The following CTNND2 variants were observed in gnomAD, a reference collection of about 807,000 sequenced individuals.
CTNND2 encodes the protein catenin delta-2.
In CTNND2, 22 loss-of-function variants were observed where a neutral mutation model predicts 144.4. The observed-to-expected ratio is 0.15, with a 90% confidence interval of 0.11 to 0.22. The LOEUF (loss-of-function observed/expected upper bound fraction) is 0.22, where lower values mean the gene tolerates loss of function less well. CTNND2 is among the 10% of genes least tolerant of loss of function. The pLI, the probability that CTNND2 is intolerant of heterozygous loss-of-function variation, is 1.00. For missense variants in CTNND2, 1,353 were observed against 1,618.8 expected (o/e 0.84, Z 2.82); for synonymous variants, 751 against 695.6 (o/e 1.08, Z -1.25).
intron 2 of CTNND2, among the ~76,000 whole-genome samples, chr5:11,631,919 G>C (rs1351211480): frequency 6.6e-6 from 1 of 152,096 alleles, no homozygotes; most frequent in Non-Finnish European, 1.5e-5. Flanking sequence ...CCAGAGAAGT[G>C]GTATAAATGT....
chr5:11,622,162 A>G (rs1780877680), intron 2 of CTNND2, among the ~76,000 whole-genome samples: 2 of 152,164 alleles, frequency 1.3e-5, no homozygotes, highest in Non-Finnish European at 2.9e-5. Flanking sequence ...TACCCAACAT[A>G]AATTTCTGGT....
At chr5:11,154,912 C>G (rs979182864) in intron 12 of CTNND2, among the ~76,000 whole-genome samples, 15 of 152,184 alleles carry the variant, frequency 9.9e-5, no homozygotes, top group Non-Finnish European at 1.5e-4. Context: ...CTGTGTGTCT[C>G]TCTGTGCATA....
At chr5:11,191,697 C>G (rs1736257565) in intron 11 of CTNND2, among the ~76,000 whole-genome samples, 1 of 152,226 alleles carries the variant, frequency 6.6e-6, no homozygotes, top group African/African-American at 2.4e-5. Context: ...TAGGCCACAG[C>G]TCTGACAGCT....
At chr5:10,998,492 G>C (rs141365190) in intron 18 of CTNND2, among the ~76,000 whole-genome samples, 4 of 152,214 alleles carry the variant, frequency 2.6e-5, no homozygotes, top group African/African-American at 7.2e-5. Flanking sequence ...GCTGTGAGAA[G>C]AGGTGATCTT....
At chr5:11,672,294 T>A (rs2727606) in intron 2 of CTNND2, among the ~76,000 whole-genome samples, 10,805 of 152,222 alleles carry the variant, frequency 0.071, 1,302 homozygotes, top group African/African-American at 0.24. Flanking sequence ...CTGTCCCTTA[T>A]CAGAGCTCAA....
intron 2 of CTNND2, among the ~76,000 whole-genome samples, chr5:11,651,767 T>A (rs1782655724): frequency 6.6e-6 from 1 of 152,260 alleles, no homozygotes; most frequent in Non-Finnish European, 1.5e-5. Context: ...CAGACTTGCA[T>A]GAGGCCTGTA....
chr5:11,336,825 T>C (rs554084219), intron 9 of CTNND2, among the ~76,000 whole-genome samples: 1 of 152,214 alleles, frequency 6.6e-6, no homozygotes, highest in South Asian at 2.1e-4. Context: ...ATCACACAAA[T>C]ACACTCATAA....
intron 3 of CTNND2, among the ~76,000 whole-genome samples, chr5:11,428,516 G>C (rs1762994868): frequency 6.6e-6 from 1 of 152,110 alleles, no homozygotes. Context: ...AACAGGCTAG[G>C]ATTCTTTGTT....
At chr5:11,551,303 C>A (rs979888047) in intron 3 of CTNND2, among the ~76,000 whole-genome samples, 1 of 152,070 alleles carries the variant, frequency 6.6e-6, no homozygotes, top group South Asian at 2.1e-4. Context: ...TCTTTCCCTG[C>A]CAATATTTTG....
chr5:11,703,584 G>A (rs975269850), intron 2 of CTNND2, among the ~76,000 whole-genome samples: 1 of 152,170 alleles, frequency 6.6e-6, no homozygotes, highest in Non-Finnish European at 1.5e-5. Context: ...CATTTATTCA[G>A]CAAATGCTAT....
chr5:11,327,584 TAAGGTC>T (rs1752654264), intron 9 of CTNND2, among the ~76,000 whole-genome samples: 1 of 152,186 alleles, frequency 6.6e-6, no homozygotes, highest in Non-Finnish European at 1.5e-5. Flanking sequence ...CTAAGACTGT[TAAGGTC>T]AAGTGATCCT....
At chr5:11,677,265 C>G (rs1784218994) in intron 2 of CTNND2, among the ~76,000 whole-genome samples, 1 of 152,232 alleles carries the variant, frequency 6.6e-6, no homozygotes, top group Non-Finnish European at 1.5e-5. Flanking sequence ...AATGCCTCAT[C>G]ATATCTTGCC....
intron 5 of CTNND2, among the ~76,000 whole-genome samples, chr5:11,409,785 T>C (rs778493504): frequency 6.6e-6 from 1 of 152,128 alleles, no homozygotes; most frequent in Non-Finnish European, 1.5e-5. Flanking sequence ...TCAACACTTA[T>C]TTCATTAAAT....
intron 14 of CTNND2, among the ~76,000 whole-genome samples, chr5:11,098,987 T>A (rs1193589347): frequency 6.6e-6 from 1 of 152,008 alleles, no homozygotes; most frequent in East Asian, 1.9e-4. Flanking sequence ...CGCAAGAGAA[T>A]GTAACTGGCA....
chr5:11,627,053 G>C (rs183343905), intron 2 of CTNND2, among the ~76,000 whole-genome samples: 1 of 152,250 alleles, frequency 6.6e-6, no homozygotes, highest in African/African-American at 2.4e-5. Context: ...GAAAGTGTTT[G>C]AAAAATTGCT....
At chr5:11,769,702 T>C (rs1365375805) in intron 1 of CTNND2, among the ~76,000 whole-genome samples, 2 of 152,160 alleles carry the variant, frequency 1.3e-5, no homozygotes, top group Non-Finnish European at 2.9e-5. Flanking sequence ...ATATGCAAAT[T>C]AACACACACA....
chr5:11,647,977 T>C (rs1782451764), intron 2 of CTNND2, among the ~76,000 whole-genome samples: 1 of 152,330 alleles, frequency 6.6e-6, no homozygotes, highest in East Asian at 1.9e-4. Flanking sequence ...CTTGCTTGGC[T>C]AAATCTTACT....
chr5:11,711,636 CTAT>C (rs1031600187), intron 2 of CTNND2, among the ~76,000 whole-genome samples: 1 of 152,274 alleles, frequency 6.6e-6, no homozygotes, highest in East Asian at 1.9e-4. Context: ...GAGATAAATA[CTAT>C]TATTAACTTT....
At chr5:11,789,604 C>A (rs1483053522) in intron 1 of CTNND2, among the ~76,000 whole-genome samples, 1 of 151,966 alleles carries the variant, frequency 6.6e-6, no homozygotes, top group Non-Finnish European at 1.5e-5. Context: ...TTAATGGACT[C>A]ATTTTTATTA....
Sources: gnomAD v4.1 joint callset for allele counts (sites outside exome capture counted in the v4.1 genomes callset) on GRCh38, gnomAD v4.1.1 for gene constraint, MANE v1.5 for transcripts, NCBI Gene and HGNC (gene_info 2026-07-23, HGNC 2026-07-21) for gene names.